AGBL1: variants seen among roughly 807,000 people sequenced by gnomAD.
AGBL1 encodes cytosolic carboxypeptidase 4.
Under a neutral mutation model 118.9 loss-of-function variants are expected in AGBL1, and 130 were observed. The ratio of observed to expected loss-of-function variants is 1.09; its 90% CI spans 0.95 to 1.26. AGBL1 has a LOEUF of 1.26. AGBL1 is among the 50% of genes most tolerant of loss of function. The pLI, the probability that AGBL1 is intolerant of heterozygous loss-of-function variation, is 0.00. For synonymous variants in AGBL1, 555 were observed against 478.9 expected (o/e 1.16, Z -2.08); for missense variants, 1,584 against 1,298.1 (o/e 1.22, Z -3.38).
chr15:86,932,879 G>T (rs900285635), intron 23 of AGBL1: 2 of 152,006 alleles, frequency 1.3e-5, no homozygotes, highest in African/African-American at 4.8e-5. Context: ...TGAAAAAAAT[G>T]TTCTGGTCTT....
At chr15:86,414,145 A>G (rs2081658024) in intron 18 of AGBL1, among the ~76,000 whole-genome samples, 1 of 152,168 alleles carries the variant, frequency 6.6e-6, no homozygotes, top group Non-Finnish European at 1.5e-5. Context: ...AACATAGAGT[A>G]TGGAATGAAA....
rs142717456 is a variant in AGBL1, at chr15:86,339,079, C to T, written c.2374+43671C>T. 6.4e-4 allele frequency among the ~76,000 whole-genome samples: 98 copies of T among 152,130 alleles called. 1 individual carries two copies. The highest frequency in any genetic ancestry group is 2.2e-3 in the African/African-American group (90 of 41,506). ...TAGTTTGTTAATATGGTAGATAATA[C>T]ATTGCTTTATGATCCTTCATCCTTG... On this transcript the variant is annotated intron_variant, in intron 17 of 22. Transcript: ENST00000614907.
rs1432545872 is a variant in AGBL1, at chr15:86,879,546, C to T, written c.3159-27541C>T. 2.6e-5 allele frequency among the ~76,000 whole-genome samples: 4 copies of T among 152,116 alleles called. No homozygotes were observed. In the East Asian group the frequency reaches 7.7e-4, roughly 29 times the overall value. On this transcript the variant is annotated intron_variant, in intron 22 of 22. Transcript: ENST00000614907. The stretch of plus-strand genomic sequence containing the variant: ...CCCTCTTGCTAGTTTCACAGATGCA[C>T]CAACACATCCATTTTTAATCTGACC...
chr15:86,320,097 C>T (rs2080081631), intron 17 of AGBL1, among the ~76,000 whole-genome samples: 1 of 151,940 alleles, frequency 6.6e-6, no homozygotes, highest in South Asian at 2.1e-4. Flanking sequence ...TCTTTCACTT[C>T]TAAATAAATT....
rs1000133974 is a variant in AGBL1, at chr15:86,645,458, C to A, written c.2995-28815C>A. ...TTAATCCTAATTTTTAATAACTGAGCAGTAGATTTTCTGTTGTGATTTTAT... is the reference window on the plus strand; with the variant it reads ...TTAATCCTAATTTTTAATAACTGAGAAGTAGATTTTCTGTTGTGATTTTAT... On this transcript the variant is annotated intron_variant, in intron 21 of 22. Coordinates refer to ENST00000614907, the MANE Select transcript of AGBL1 (RefSeq NM_001386094.1). 2.6e-5 allele frequency among the ~76,000 whole-genome samples: 4 copies of A among 152,102 alleles called. No individual in the cohort carries two copies. The South Asian group carries it at 8.3e-4, about 32-fold the overall frequency.
intron 7 of AGBL1, among the ~76,000 whole-genome samples, chr15:86,253,805 G>A (rs2078854099): frequency 6.6e-6 from 1 of 152,224 alleles, no homozygotes; most frequent in Non-Finnish European, 1.5e-5. Context: ...GTTTGGTAGG[G>A]TTAAGTACAT....
intron 24 of AGBL1, among the ~76,000 whole-genome samples, chr15:87,003,714 A>G (rs191005474): frequency 6.6e-6 from 1 of 152,124 alleles, no homozygotes; most frequent in Admixed American, 6.5e-5. Flanking sequence ...GGGAGGGTGT[A>G]TGTGTCAAGG....
intron 5 of AGBL1, among the ~76,000 whole-genome samples, chr15:86,176,637 G>T (rs898980212): frequency 1.3e-5 from 2 of 152,232 alleles, no homozygotes; most frequent in Admixed American, 1.3e-4. Context: ...CTCCATGGAT[G>T]TGGAAATTCA....
In AGBL1 at chr15:86,683,998, G is replaced by C. The variant is rs74907110; in HGVS notation, c.3158+9562G>C. 4.5e-3 allele frequency among the ~76,000 whole-genome samples: 690 copies of C among 152,136 alleles called. 4 individuals carry two copies. Among genetic ancestry groups the C allele is most frequent in the Middle Eastern group, 0.017 (5 of 294 alleles). On this transcript the variant is annotated intron_variant, in intron 22 of 22. Coordinates refer to ENST00000614907, the MANE Select transcript of AGBL1 (RefSeq NM_001386094.1). ...CTCTTACCGAAGAGCTAGTCCTTTA[G>C]GTCAAAGCCATTTTACTGGTGAGAG...
chr15:86,893,513 C>T (rs538715694), intron 22 of AGBL1, among the ~76,000 whole-genome samples: 2 of 152,114 alleles, frequency 1.3e-5, no homozygotes, highest in African/African-American at 4.8e-5. Flanking sequence ...TAATTAAGAT[C>T]GTCATATCTC....
intron 22 of AGBL1, among the ~76,000 whole-genome samples, chr15:86,718,647 C>A (rs767937066): frequency 6.6e-6 from 1 of 151,904 alleles, no homozygotes. Context: ...TGGAGGCATC[C>A]GATGAGAAAG....
chr15:86,731,189 T>C lies in AGBL1; in HGVS notation c.3158+56753T>C, dbSNP rs561514647. ...AAAGACATGAATTATGTCCAAACTA[T>C]TGAATTATGTTCATAGCCTTTCTGG... On this transcript the variant is annotated intron_variant, in intron 22 of 22. Coordinates refer to ENST00000614907, the MANE Select transcript of AGBL1 (RefSeq NM_001386094.1). Among the ~76,000 whole-genome samples the C allele has an allele frequency of 2.6e-5, 4 of 152,258 alleles. No homozygotes were observed. The East Asian group carries it at 5.8e-4, about 22-fold the overall frequency.
intron 23 of AGBL1, chr15:86,987,838 C>T: frequency 1.4e-6 from 1 of 697,614 alleles, no homozygotes; most frequent in Non-Finnish European, 2.1e-6. Flanking sequence ...ATGTTTCTGA[C>T]CTTATGTTGC....
chr15:86,752,219 C>A (rs189822370), intron 22 of AGBL1, among the ~76,000 whole-genome samples: 5 of 152,198 alleles, frequency 3.3e-5, no homozygotes, highest in African/African-American at 9.6e-5. Flanking sequence ...CACTGTGCAG[C>A]AGTTACTCCA....
chr15:86,822,798 G>A (rs61571863), intron 22 of AGBL1, among the ~76,000 whole-genome samples: 11 of 152,104 alleles, frequency 7.2e-5, no homozygotes, highest in Admixed American at 2.6e-4. Context: ...CTCAGACCTA[G>A]CTAAACTGTA....
chr15:86,783,069 T>C (rs999934409), intron 22 of AGBL1, among the ~76,000 whole-genome samples: 2 of 152,236 alleles, frequency 1.3e-5, no homozygotes, highest in African/African-American at 4.8e-5. Context: ...GAGGAATCCA[T>C]ATCCATGAAA....
Position 86,827,667 on chromosome 15 carries a change from C to T in AGBL1, c.3159-79420C>T, listed in dbSNP as rs1362004670. Among the ~76,000 whole-genome samples the T allele has an allele frequency of 4.1e-5, 6 of 145,446 alleles. No individual in the cohort carries two copies. In the East Asian group the frequency reaches 1.2e-3, roughly 30 times the overall value. On this transcript the variant is annotated intron_variant, in intron 22 of 22. Transcript: ENST00000614907. ...TAAGTTGAAGCCCCCATGTCCTCTC[C>T]CTTTCAGCTAAGATACACATCAGAG...
chr15:86,889,835 G>A (rs994434508), intron 22 of AGBL1, among the ~76,000 whole-genome samples: 3 of 152,100 alleles, frequency 2.0e-5, no homozygotes, highest in African/African-American at 7.2e-5. Context: ...TTGCTATTGC[G>A]AATAGTGCTG....
chr15:86,766,761 G>A (rs2141280831), intron 22 of AGBL1, among the ~76,000 whole-genome samples: 1 of 151,952 alleles, frequency 6.6e-6, no homozygotes, highest in Non-Finnish European at 1.5e-5. Context: ...CTGGTCATTT[G>A]GGCCTAATCA....
Sources: gnomAD v4.1 joint callset for allele counts (sites outside exome capture counted in the v4.1 genomes callset) on GRCh38, gnomAD v4.1.1 for gene constraint, MANE v1.5 for transcripts, NCBI Gene and HGNC (gene_info 2026-07-23, HGNC 2026-07-21) for gene names.